Variants in CREB5 observed in about 807,000 individuals in gnomAD.
CREB5 encodes cyclic AMP-responsive element-binding protein 5.
Under a neutral mutation model 57.1 loss-of-function variants are expected in CREB5, and 19 were observed. The ratio of observed to expected loss-of-function variants is 0.33; its 90% CI spans 0.23 to 0.49. The LOEUF (loss-of-function observed/expected upper bound fraction) is 0.49, where lower values mean the gene tolerates loss of function less well. CREB5 is among the 20% of genes least tolerant of loss of function. CREB5 has a pLI of 0.99. For missense variants in CREB5, 579 were observed against 671.6 expected, an observed-to-expected ratio of 0.86 and a Z score of 1.52; for synonymous variants, 238 against 238.3, an observed-to-expected ratio of 1.00 and a Z score of 0.01.
intron 4 of CREB5, among the ~76,000 whole-genome samples, chr7:28,555,029 C>T (rs1233010950): frequency 1.3e-5 from 2 of 151,984 alleles, no homozygotes; most frequent in Non-Finnish European, 2.9e-5. Flanking sequence ...TCTCCTCCGC[C>T]TTCACTGGAG....
intron 7 of CREB5, among the ~76,000 whole-genome samples, chr7:28,733,400 C>T (rs1351252803): frequency 1.3e-5 from 2 of 152,196 alleles, no homozygotes; most frequent in Admixed American, 6.5e-5. Context: ...CCACTCATCT[C>T]TGCACACCAT....
At chr7:28,681,835 C>G (rs1466573520) in intron 5 of CREB5, among the ~76,000 whole-genome samples, 2 of 152,154 alleles carry the variant, frequency 1.3e-5, no homozygotes, top group Non-Finnish European at 2.9e-5. Context: ...AACAAATATT[C>G]CAGGAGTGTC....
At chr7:28,737,696 G>A (rs945045819) in intron 7 of CREB5, among the ~76,000 whole-genome samples, 13 of 151,350 alleles carry the variant, frequency 8.6e-5, no homozygotes, top group African/African-American at 2.9e-4. Flanking sequence ...AGAAAACTGA[G>A]ACTAAGAGAG....
In CREB5 at chr7:28,823,556, T is replaced by A. The variant is rs1809902226; in HGVS notation, c.*4277T>A. The A allele has an allele frequency of 6.6e-6, 1 of 152,626 alleles. No homozygotes were observed. The highest frequency in any genetic ancestry group is 2.1e-4 in the South Asian group (1 of 4,830). The allele number at this position is 152,626 out of a possible 1,614,324, so 9.5% of individuals were successfully genotyped here. Reference sequence around the variant, plus strand: ...AGGATTTTTATTGCTCTGTGAGTTATTTTTTAATCAACATTCTGAACAGTT... The same window carrying A: ...AGGATTTTTATTGCTCTGTGAGTTAATTTTTAATCAACATTCTGAACAGTT... On this transcript the variant is annotated 3_prime_UTR_variant, in exon 11 of 11. Coordinates refer to ENST00000357727, the MANE Select transcript of CREB5 (RefSeq NM_182898.4).
At chr7:28,624,798 A>G (rs543293929) in intron 5 of CREB5, among the ~76,000 whole-genome samples, 2 of 152,146 alleles carry the variant, frequency 1.3e-5, no homozygotes, top group East Asian at 3.9e-4. Flanking sequence ...GCTGGCCCAG[A>G]TGGTCTGACA....
intron 4 of CREB5, among the ~76,000 whole-genome samples, chr7:28,541,113 A>G (rs1465304657): frequency 6.6e-6 from 1 of 152,254 alleles, no homozygotes. Context: ...CATGAAAAGA[A>G]AGACCTAATT....
At chr7:28,323,892 AC>A (rs778130523) in intron 1 of CREB5, among the ~76,000 whole-genome samples, 1 of 152,106 alleles carries the variant, frequency 6.6e-6, no homozygotes, top group Non-Finnish European at 1.5e-5. Context: ...GTGATGGGAG[AC>A]AGTGACAGAT....
At chr7:28,400,395 A>G (rs1344864209) in intron 1 of CREB5, among the ~76,000 whole-genome samples, 1 of 152,202 alleles carries the variant, frequency 6.6e-6, no homozygotes, top group African/African-American at 2.4e-5. Context: ...GCTCACAAAT[A>G]ATAGTGTTCT....
At chr7:28,429,963 A>C (rs190969912) in intron 1 of CREB5, among the ~76,000 whole-genome samples, 20 of 152,280 alleles carry the variant, frequency 1.3e-4, no homozygotes, top group African/African-American at 4.3e-4. Context: ...AAGAGATCTG[A>C]TTTACCAGGA....
chr7:28,611,265 A>G (rs1378679473), intron 5 of CREB5, among the ~76,000 whole-genome samples: 1 of 151,986 alleles, frequency 6.6e-6, no homozygotes, highest in Non-Finnish European at 1.5e-5. Flanking sequence ...GCACCCCTGT[A>G]TTAAGGATAA....
At chr7:28,517,913 C>G (rs1583567590) in intron 4 of CREB5, among the ~76,000 whole-genome samples, 1 of 152,098 alleles carries the variant, frequency 6.6e-6, no homozygotes, top group African/African-American at 2.4e-5. Flanking sequence ...CACAAATTTG[C>G]TAATAGAACT....
intron 4 of CREB5, among the ~76,000 whole-genome samples, chr7:28,529,356 T>C (rs548043530): frequency 3.3e-5 from 5 of 152,288 alleles, no homozygotes; most frequent in African/African-American, 9.6e-5. Context: ...GAGGACCCTG[T>C]TGGCAGGCAG....
intron 5 of CREB5, among the ~76,000 whole-genome samples, chr7:28,634,507 C>G (rs1057094730): frequency 2.0e-5 from 3 of 152,124 alleles, no homozygotes; most frequent in Admixed American, 1.3e-4. Flanking sequence ...TCCTGCCATT[C>G]ATTGCTCAAA....
At chr7:28,728,928 G>T (rs1468783742) in intron 7 of CREB5, among the ~76,000 whole-genome samples, 4 of 152,030 alleles carry the variant, frequency 2.6e-5, no homozygotes, top group Non-Finnish European at 5.9e-5. Context: ...GGAGAGAAAA[G>T]CAGTATGTCT....
chr7:28,546,374 G>A (rs1319403089), intron 4 of CREB5, among the ~76,000 whole-genome samples: 2 of 152,152 alleles, frequency 1.3e-5, no homozygotes, highest in Non-Finnish European at 2.9e-5. Context: ...TTTTTGTATG[G>A]ACATGAGTTT....
intron 1 of CREB5, among the ~76,000 whole-genome samples, chr7:28,365,602 A>G (rs1257523445): frequency 6.6e-6 from 1 of 151,920 alleles, no homozygotes; most frequent in African/African-American, 2.4e-5. Flanking sequence ...AGTTGTTCTT[A>G]CTTGCAGTCC....
intron 1 of CREB5, among the ~76,000 whole-genome samples, chr7:28,357,626 C>G (rs1786373594): frequency 6.6e-6 from 1 of 152,108 alleles, no homozygotes; most frequent in Admixed American, 6.5e-5. Context: ...GCTTTTATCT[C>G]TCTGCTTTAG....
intron 1 of CREB5, among the ~76,000 whole-genome samples, chr7:28,332,046 C>A (rs73082461): frequency 5.9e-5 from 9 of 152,070 alleles, no homozygotes; most frequent in Non-Finnish European, 1.0e-4. Flanking sequence ...TTTGGATAGG[C>A]CCTAAATTCA....
At chr7:28,608,107 T>A (rs1797223470) in intron 5 of CREB5, among the ~76,000 whole-genome samples, 1 of 34,316 alleles carries the variant, frequency 2.9e-5, no homozygotes, top group Admixed American at 5.0e-4. Context: ...TCTCTCTCTC[T>A]CTCTCTCACA....
Sources: gnomAD v4.1 joint callset for allele counts (sites outside exome capture counted in the v4.1 genomes callset) on GRCh38, gnomAD v4.1.1 for gene constraint, MANE v1.5 for transcripts, NCBI Gene and HGNC (gene_info 2026-07-23, HGNC 2026-07-21) for gene names.